Variants in TMEM132C observed in about 807,000 individuals in gnomAD.
The protein encoded by TMEM132C is transmembrane protein 132C.
Under a neutral mutation model 61.4 loss-of-function variants are expected in TMEM132C, and 29 were observed. The ratio of observed to expected loss-of-function variants is 0.47; its 90% CI spans 0.35 to 0.64. The LOEUF is 0.64. TMEM132C is among the 30% of genes least tolerant of loss of function. TMEM132C has a pLI of 0.00. For synonymous variants in TMEM132C, 656 were observed against 633.1 expected, an observed-to-expected ratio of 1.04 and a Z score of -0.54; for missense variants, 1,408 against 1,476.9, an observed-to-expected ratio of 0.95 and a Z score of 0.76.
chr12:128,452,057 C>A (rs1593058458), intron 2 of TMEM132C, among the ~76,000 whole-genome samples: 1 of 152,022 alleles, frequency 6.6e-6, no homozygotes, highest in East Asian at 1.9e-4. Flanking sequence ...AAGCAATTTT[C>A]TTTTATTTTT....
chr12:128,442,428 T>G (rs754079006), intron 2 of TMEM132C, among the ~76,000 whole-genome samples: 1 of 152,248 alleles, frequency 6.6e-6, no homozygotes, highest in Admixed American at 6.5e-5. Flanking sequence ...GAGAGTGAAA[T>G]CCCAGTAATA....
At chr12:128,449,056 G>A (rs1369689940) in intron 2 of TMEM132C, among the ~76,000 whole-genome samples, 1 of 140,994 alleles carries the variant, frequency 7.1e-6, no homozygotes, top group African/African-American at 2.7e-5. Flanking sequence ...AGAACGGCGT[G>A]AACCCGGGAG....
chr12:128,436,438 T>C (rs1204556014), intron 2 of TMEM132C, among the ~76,000 whole-genome samples: 1 of 151,970 alleles, frequency 6.6e-6, no homozygotes, highest in Non-Finnish European at 1.5e-5. Flanking sequence ...ACAAAGAACT[T>C]AAACAAATTT....
At chr12:128,439,034 A>G (rs915352378) in intron 2 of TMEM132C, 8 of 152,086 alleles carry the variant, frequency 5.3e-5, no homozygotes, top group African/African-American at 1.9e-4. Flanking sequence ...ATTGGTTGTT[A>G]TCATAGACTC....
At chr12:128,607,851 A>G (rs534148462) in intron 3 of TMEM132C, among the ~76,000 whole-genome samples, 223 of 152,370 alleles carry the variant, frequency 1.5e-3, no homozygotes, top group African/African-American at 5.0e-3. Flanking sequence ...CATAAATCAC[A>G]GAAGTAATGT....
chr12:128,340,027 G>T (rs1477448781), intron 1 of TMEM132C, among the ~76,000 whole-genome samples: 1 of 152,196 alleles, frequency 6.6e-6, no homozygotes, highest in Non-Finnish European at 1.5e-5. Flanking sequence ...TGGTTCTTTT[G>T]AGTTTACAGG....
chr12:128,479,402 A>C (rs895398799), intron 2 of TMEM132C, among the ~76,000 whole-genome samples: 2 of 152,250 alleles, frequency 1.3e-5, no homozygotes, highest in African/African-American at 4.8e-5. Context: ...ACTACAGCCT[A>C]CAGGCCTGGT....
In TMEM132C at chr12:128,551,167, G is replaced by A. The variant is rs1404232548; in HGVS notation, c.1121+7064G>A. Among the ~76,000 whole-genome samples the A allele has an allele frequency of 6.6e-5, 10 of 151,670 alleles. No individual in the cohort carries two copies. In the South Asian group the frequency reaches 8.3e-4, roughly 13 times the overall value. On this transcript the variant is annotated intron_variant, in intron 3 of 8. Transcript: ENST00000435159. ...GCAAATGAATCCTTGTCTTATGATC[G>A]GCTTCTAATGAACCCAAACTGAGAC...
chr12:128,388,806 G>A (rs922488677), intron 1 of TMEM132C, among the ~76,000 whole-genome samples: 5 of 152,204 alleles, frequency 3.3e-5, no homozygotes, highest in Non-Finnish European at 2.9e-5. Context: ...TGTTTATTTC[G>A]GTTGCCCTAG....
chr12:128,267,811 C>T lies in TMEM132C; in HGVS notation c.85+324C>T, dbSNP rs934583304. 3.3e-5 allele frequency among the ~76,000 whole-genome samples: 5 copies of T among 152,278 alleles called. No homozygotes were observed. In the East Asian group the frequency reaches 5.8e-4, roughly 18 times the overall value. Reference sequence around the variant, plus strand: ...TTGTTCCCCATCCCTGAGTTCCGTGCGGACCTGCCCCAGCCCCAGCACAGT... The same window carrying T: ...TTGTTCCCCATCCCTGAGTTCCGTGTGGACCTGCCCCAGCCCCAGCACAGT... On this transcript the variant is annotated intron_variant, in intron 1 of 8. Transcript: ENST00000435159.
At chr12:128,571,446 C>T (rs1874880350) in intron 3 of TMEM132C, among the ~76,000 whole-genome samples, 1 of 152,172 alleles carries the variant, frequency 6.6e-6, no homozygotes, top group Admixed American at 6.5e-5. Flanking sequence ...GCATACAGTT[C>T]AGTGACATCA....
At chr12:128,640,667 G>A (rs573824470) in intron 4 of TMEM132C, among the ~76,000 whole-genome samples, 89 of 152,294 alleles carry the variant, frequency 5.8e-4, no homozygotes, top group African/African-American at 2.1e-3. Flanking sequence ...AGGCGGAGGC[G>A]GGCAGATCAC....
chr12:128,522,481 T>C (rs1872940612), intron 2 of TMEM132C, among the ~76,000 whole-genome samples: 1 of 152,228 alleles, frequency 6.6e-6, no homozygotes, highest in South Asian at 2.1e-4. Context: ...TGTTATTTTA[T>C]TTTCATTTTC....
At chr12:128,493,130 T>G (rs1282101573) in intron 2 of TMEM132C, among the ~76,000 whole-genome samples, 7 of 152,200 alleles carry the variant, frequency 4.6e-5, no homozygotes, top group Non-Finnish European at 8.8e-5. Flanking sequence ...TTCTTGTTTT[T>G]GTCAGGTTTG....
intron 2 of TMEM132C, among the ~76,000 whole-genome samples, chr12:128,460,041 T>G (rs1478070719): frequency 6.6e-6 from 1 of 152,092 alleles, no homozygotes; most frequent in African/African-American, 2.4e-5. Flanking sequence ...TAATAAAGGT[T>G]CATATTAGTA....
At chr12:128,388,182 T>G (rs556129267) in intron 1 of TMEM132C, among the ~76,000 whole-genome samples, 1 of 152,276 alleles carries the variant, frequency 6.6e-6, no homozygotes, top group South Asian at 2.1e-4. Context: ...AAGAGGCTTT[T>G]CTTGGGCTGG....
At chr12:128,647,225 C>A (rs1203157317) in intron 4 of TMEM132C, among the ~76,000 whole-genome samples, 1 of 140,476 alleles carries the variant, frequency 7.1e-6, no homozygotes, top group East Asian at 2.1e-4. Context: ...TTACTAGATC[C>A]CATCAGCGTT....
chr12:128,535,840 C>T (rs1354879768), intron 2 of TMEM132C, among the ~76,000 whole-genome samples: 2 of 149,968 alleles, frequency 1.3e-5, no homozygotes, highest in Non-Finnish European at 3.0e-5. Flanking sequence ...TGCACTCCAG[C>T]CTGGGTGACA....
At chr12:128,271,273 A>AATG (rs1406824996) in intron 1 of TMEM132C, among the ~76,000 whole-genome samples, 1 of 30,010 alleles carries the variant, frequency 3.3e-5, no homozygotes, top group Admixed American at 3.2e-4. Context: ...ATAATATAAT[A>AATG]ATAATAATAA....
Sources: gnomAD v4.1 joint callset for allele counts (sites outside exome capture counted in the v4.1 genomes callset) on GRCh38, gnomAD v4.1.1 for gene constraint, MANE v1.5 for transcripts, NCBI Gene and HGNC (gene_info 2026-07-23, HGNC 2026-07-21) for gene names.